The following KLF13 variants were observed in gnomAD, a reference collection of about 807,000 sequenced individuals.
KLF13 encodes Krueppel-like factor 13.
KLF13 carries 8 observed loss-of-function variants against 16.7 expected under a neutral mutation model. That is an observed-to-expected ratio of 0.48 (90% confidence interval 0.28 to 0.87). The LOEUF is 0.87. KLF13 is among the 40% of genes least tolerant of loss of function. The pLI, the probability that KLF13 is intolerant of heterozygous loss-of-function variation, is 0.10. For missense variants in KLF13, 447 were observed against 452.2 expected (o/e 0.99, Z 0.10); for synonymous variants, 245 against 208.4 (o/e 1.18, Z -1.51).
intron 1 of KLF13, among the ~76,000 whole-genome samples, chr15:31,351,091 G>A (rs1025551110): frequency 6.6e-6 from 1 of 152,184 alleles, no homozygotes; most frequent in African/African-American, 2.4e-5. Context: ...GCCAAGGCCT[G>A]GGAAACCTGA....
intron 1 of KLF13, among the ~76,000 whole-genome samples, chr15:31,345,254 C>T (rs1205998655): frequency 1.3e-5 from 2 of 152,162 alleles, no homozygotes. Context: ...CTTGGGCATT[C>T]CTCACTCATT....
chr15:31,348,358 C>T (rs1329320772), intron 1 of KLF13, among the ~76,000 whole-genome samples: 2 of 152,200 alleles, frequency 1.3e-5, no homozygotes, highest in Admixed American at 6.5e-5. Flanking sequence ...GGAAAAACCA[C>T]GCGTGGTACG....
downstream of KLF13, among the ~76,000 whole-genome samples, chr15:31,382,200 T>A (rs187688583): frequency 3.7e-4 from 57 of 152,332 alleles, no homozygotes; most frequent in African/African-American, 1.3e-3. Flanking sequence ...AGAGGAAGGC[T>A]GTCCCACATT....
chr15:31,391,629 C>T (rs2039871350), upstream of KLF13, among the ~76,000 whole-genome samples: 1 of 150,338 alleles, frequency 6.7e-6, no homozygotes, highest in African/African-American at 2.4e-5. Context: ...CCGACGCTTC[C>T]GGGAGGTCTA....
At chr15:31,420,510 T>C in intron 1 of KLF13, 1 of 603,782 alleles carries the variant, frequency 1.7e-6, no homozygotes, top group Non-Finnish European at 3.1e-6. Flanking sequence ...CTGTATGGCA[T>C]CAGGACCATT....
rs923421633 is a variant in KLF13, at chr15:31,327,269, G to A, written c.57G>A (p.Ser19=). 8.0e-6 allele frequency: 11 copies of A among 1,371,418 alleles called. No individual in the cohort carries two copies. The African/African-American group carries it at 1.2e-4, about 15-fold the overall frequency. 85.0% of individuals were successfully genotyped at this position (1,371,418 alleles called of 1,614,324 possible). A position where few individuals can be genotyped will look rare whatever the true frequency, so the allele number is the denominator to read the frequency against. ...HFAAECLVSM[S]SRAVVHGPRE... is the part of the protein sequence containing the mutation. ...CCGCCGAGTGCCTCGTGTCCATGTC[G>A]AGCCGCGCGGTCGTGCACGGGCCGC... is the stretch of plus-strand genomic sequence containing the variant. The change falls in exon 1 of 2, where the codon TCG becomes TCA. Residue 19 remains serine (S), a synonymous_variant. Coordinates refer to ENST00000307145, the MANE Select transcript of KLF13 (RefSeq NM_015995.4).
intron 1 of KLF13, 116 bp downstream of exon 1, chr15:31,327,905 C>A: frequency 1.8e-6 from 2 of 1,111,530 alleles, no homozygotes; most frequent in East Asian, 4.7e-5. Flanking sequence ...GGCCGGAACG[C>A]CCGGGGCCTC....
chr15:31,355,223 T>A (rs1363518701), intron 1 of KLF13, among the ~76,000 whole-genome samples: 1 of 152,132 alleles, frequency 6.6e-6, no homozygotes, highest in Non-Finnish European at 1.5e-5. Context: ...AGTAAGTGTC[T>A]CCTGTGGACG....
intron 2 of KLF13, among the ~76,000 whole-genome samples, chr15:31,397,711 C>CATT (rs755405139): frequency 6.6e-6 from 1 of 152,168 alleles, no homozygotes; most frequent in Non-Finnish European, 1.5e-5. Context: ...GATTTTGTAA[C>CATT]ATTATTATTA....
intron 1 of KLF13, among the ~76,000 whole-genome samples, chr15:31,334,513 C>T (rs1226349045): frequency 2.0e-5 from 3 of 152,098 alleles, no homozygotes; most frequent in East Asian, 3.9e-4. Flanking sequence ...CTGCAACCTC[C>T]GCCTCCCGGG....
intron 1 of KLF13, among the ~76,000 whole-genome samples, chr15:31,334,233 A>C (rs945389412): frequency 1.3e-5 from 2 of 152,204 alleles, no homozygotes; most frequent in Admixed American, 1.3e-4. Context: ...AGCCAGCTCA[A>C]GGGTAACTGT....
intron 1 of KLF13, among the ~76,000 whole-genome samples, chr15:31,330,999 G>C (rs964520569): frequency 6.6e-6 from 1 of 152,236 alleles, no homozygotes; most frequent in Non-Finnish European, 1.5e-5. Flanking sequence ...TGGTTGCCCA[G>C]ATCCTGCCTC....
At chr15:31,413,205 A>AAAAAAAAAAAAAAAAC (rs1566843729) in intron 1 of KLF13, among the ~76,000 whole-genome samples, 1 of 134,706 alleles carries the variant, frequency 7.4e-6, no homozygotes, top group Non-Finnish European at 1.7e-5. Flanking sequence ...AAAAAAAACA[A>AAAAAAAAAAAAAAAAC]AAAACAAAAA....
rs983603110 is a variant in KLF13 at position 31,327,310 on chromosome 15, C to T, written c.98C>T (p.Ser33Phe). 2.3e-6 allele frequency: 3 copies of T among 1,291,410 alleles called. No individual in the cohort carries two copies. The highest frequency in any genetic ancestry group is 3.1e-5 in the African/African-American group (2 of 63,676). The allele number at this position is 1,291,410 out of a possible 1,614,324, so 80.0% of individuals were successfully genotyped here. A position where few individuals can be genotyped will look rare whatever the true frequency, so the allele number is the denominator to read the frequency against. ...CACGGGCCGCGGGAGGGGCCGGAGT[C>T]CCGGCCCGAGGGCGCGGCCGTGGCC... ...VVHGPREGPE[S>F]RPEGAAVAAT... Residue 33 changes from serine to phenylalanine, a missense_variant, in exon 1 of 2, where the codon TCC becomes TTC. Ser to Phe is a radical substitution (Grantham distance 155). Around this residue, in one of 2 missense-constraint regions of KLF13, gnomAD observed 359 missense variants for 282.8 expected, o/e 1.27. Coordinates refer to ENST00000307145, the MANE Select transcript of KLF13 (RefSeq NM_015995.4).
chr15:31,412,796 G>A (rs1167290468), intron 1 of KLF13, among the ~76,000 whole-genome samples: 1 of 152,204 alleles, frequency 6.6e-6, no homozygotes, highest in East Asian at 1.9e-4. Context: ...ATGTGGAGAA[G>A]TTTAAACCCA....
intron 1 of KLF13, among the ~76,000 whole-genome samples, chr15:31,353,009 G>A (rs900832466): frequency 2.2e-4 from 34 of 152,308 alleles, no homozygotes; most frequent in Non-Finnish European, 2.2e-4. Context: ...TGTTGATGCC[G>A]CCTTGGAGTG....
At position 31,372,451 on chromosome 15, in the gene KLF13, C is replaced by A. The variant is rs567915401; in HGVS notation, c.*152C>A. The A allele has an allele frequency of 1.0e-4, 87 of 863,922 alleles. No homozygotes were observed. In the Middle Eastern group the frequency reaches 1.1e-3, roughly 11 times the overall value. 53.5% of individuals were successfully genotyped at this position (863,922 alleles called of 1,614,324 possible). A position where few individuals can be genotyped will look rare whatever the true frequency, so the allele number is the denominator to read the frequency against. On this transcript the variant is annotated 3_prime_UTR_variant, in exon 2 of 2. Coordinates refer to ENST00000307145, the MANE Select transcript of KLF13 (RefSeq NM_015995.4). ...TGTCAAAGTAAATTTGTTAAAAAAA[C>A]AAAAAAAACACAAAAATTTCAAAAA...
At chr15:31,350,181 C>T (rs577891276) in intron 1 of KLF13, among the ~76,000 whole-genome samples, 116 of 152,344 alleles carry the variant, frequency 7.6e-4, no homozygotes, top group African/African-American at 2.7e-3. Flanking sequence ...AGGAAGCAGC[C>T]AGGGTCTGCC....
chr15:31,432,908 A>C (rs2040490570), intron 1 of KLF13, among the ~76,000 whole-genome samples: 1 of 152,088 alleles, frequency 6.6e-6, no homozygotes, highest in Non-Finnish European at 1.5e-5. Flanking sequence ...TGAGGCCAGG[A>C]GTTCAAGACC....
Sources: gnomAD v4.1 joint callset for allele counts (sites outside exome capture counted in the v4.1 genomes callset) on GRCh38, gnomAD v4.1.1 for gene constraint, gnomAD v4.1.1 regional missense constraint, MANE v1.5 for transcripts, NCBI Gene and HGNC (gene_info 2026-07-23, HGNC 2026-07-21) for gene names.